Variants in ABLIM3 observed in about 807,000 individuals in gnomAD.
ABLIM3 encodes the protein actin-binding LIM protein 3.
Under a neutral mutation model 109.5 loss-of-function variants are expected in ABLIM3, and 61 were observed. The ratio of observed to expected loss-of-function variants is 0.56; its 90% CI spans 0.45 to 0.69. ABLIM3 has a LOEUF of 0.69. Among genes scored for constraint, ABLIM3 ranks in the 30% least tolerant of loss-of-function variants. The pLI is 0.00. For synonymous variants in ABLIM3, 300 were observed against 324.8 expected, an observed-to-expected ratio of 0.92 and a Z score of 0.82; for missense variants, 796 against 889.5, an observed-to-expected ratio of 0.89 and a Z score of 1.34.
At chr5:149,207,706 G>T (rs917347140) in intron 6 of ABLIM3, among the ~76,000 whole-genome samples, 5 of 152,160 alleles carry the variant, frequency 3.3e-5, no homozygotes, top group African/African-American at 1.2e-4. Context: ...CACCAGGAGA[G>T]GGGCTTTGTT....
intron 2 of ABLIM3, among the ~76,000 whole-genome samples, chr5:149,159,140 G>A (rs1437460979): frequency 6.6e-6 from 1 of 152,246 alleles, no homozygotes; most frequent in East Asian, 1.9e-4. Flanking sequence ...TTTATATATA[G>A]ACAAATGGAT....
intron 2 of ABLIM3, among the ~76,000 whole-genome samples, chr5:149,166,849 T>A (rs1477684508): frequency 6.6e-6 from 1 of 152,220 alleles, no homozygotes; most frequent in Non-Finnish European, 1.5e-5. Context: ...ATAGATAATA[T>A]GTAAATGAGT....
chr5:149,194,812 G>A (rs973557741), intron 3 of ABLIM3, among the ~76,000 whole-genome samples: 2 of 152,292 alleles, frequency 1.3e-5, no homozygotes, highest in East Asian at 1.9e-4. Context: ...AATTAGGGAC[G>A]GTATGGGACA....
At chr5:149,210,646 C>T (rs1447644760) in intron 6 of ABLIM3, 80 bp from the exon 7 acceptor site, 2 of 1,195,546 alleles carry the variant, frequency 1.7e-6, no homozygotes, top group South Asian at 2.4e-5. Context: ...ACATAGGCTG[C>T]AGGTCCAGAA....
chr5:149,245,042 C>T lies in ABLIM3; in HGVS notation c.1486+27C>T, dbSNP rs190530071. 1.1e-4 allele frequency: 184 copies of T among 1,614,070 alleles called. No individual in the cohort carries two copies. In the African/African-American group the frequency reaches 1.9e-3, roughly 17 times the overall value. On this transcript the variant is annotated intron_variant, in intron 16 of 23. Transcript: ENST00000309868. ...TAGTACCCCCATAGGAGCCTGGGTCCAGGGCCCTAACACCTGTGCCAAGGA... is the reference window on the plus strand; with the variant it reads ...TAGTACCCCCATAGGAGCCTGGGTCTAGGGCCCTAACACCTGTGCCAAGGA...
chr5:149,248,252 C>G (rs1027312104), intron 18 of ABLIM3, among the ~76,000 whole-genome samples: 5 of 152,166 alleles, frequency 3.3e-5, no homozygotes, highest in Non-Finnish European at 5.9e-5. Context: ...CCTGCAATGC[C>G]CCTTCTGGGA....
intron 2 of ABLIM3, among the ~76,000 whole-genome samples, chr5:149,165,714 C>T (rs994518438): frequency 1.3e-5 from 2 of 152,186 alleles, no homozygotes; most frequent in Admixed American, 1.3e-4. Flanking sequence ...TCCCTGCTCA[C>T]TCATTCTGAT....
intron 6 of ABLIM3, among the ~76,000 whole-genome samples, chr5:149,209,298 G>A (rs1030573161): frequency 6.6e-5 from 10 of 152,188 alleles, no homozygotes; most frequent in Admixed American, 5.9e-4. Context: ...ATAGCTCTGG[G>A]CCCCTTACCT....
chr5:149,207,184 A>C, intron 6 of ABLIM3, 50 bp downstream of exon 6: 2 of 1,592,258 alleles, frequency 1.3e-6, no homozygotes, highest in Non-Finnish European at 1.7e-6. Flanking sequence ...GCATTCTGTG[A>C]GGCCTGCCCC....
chr5:149,174,829 A>C (rs1313987498), intron 2 of ABLIM3: 1 of 152,218 alleles, frequency 6.6e-6, no homozygotes, highest in African/African-American at 2.4e-5. Flanking sequence ...AGGCTAATTA[A>C]TTATCCTCTC....
chr5:149,149,810 A>T (rs569446100), intron 2 of ABLIM3, among the ~76,000 whole-genome samples: 1 of 152,320 alleles, frequency 6.6e-6, no homozygotes, highest in African/African-American at 2.4e-5. Flanking sequence ...TGAGAAGGAC[A>T]TTAAGAAACA....
intron 3 of ABLIM3, among the ~76,000 whole-genome samples, chr5:149,196,396 T>C (rs1757978099): frequency 6.6e-6 from 1 of 152,262 alleles, no homozygotes. Context: ...GCTAACTATC[T>C]TATTGGTTTT....
intron 2 of ABLIM3, among the ~76,000 whole-genome samples, chr5:149,151,815 C>T (rs1404856214): frequency 2.0e-5 from 3 of 152,214 alleles, no homozygotes; most frequent in Non-Finnish European, 4.4e-5. Context: ...AGTTCCTGGG[C>T]CTGTCCAACA....
chr5:149,197,769 C>T (rs1002492828), intron 3 of ABLIM3, among the ~76,000 whole-genome samples: 3 of 152,210 alleles, frequency 2.0e-5, no homozygotes, highest in African/African-American at 4.8e-5. Flanking sequence ...AGCTGTGTGG[C>T]CTTGCGTGAG....
intron 18 of ABLIM3, among the ~76,000 whole-genome samples, chr5:149,248,167 G>A (rs1159734881): frequency 6.6e-6 from 1 of 152,206 alleles, no homozygotes; most frequent in African/African-American, 2.4e-5. Context: ...CTATTGGAAT[G>A]TAGCCAGCCC....
chr5:149,228,876 A>G (rs1284668393), intron 8 of ABLIM3, among the ~76,000 whole-genome samples: 1 of 152,124 alleles, frequency 6.6e-6, no homozygotes, highest in Non-Finnish European at 1.5e-5. Flanking sequence ...TGAAATGCCA[A>G]TGTTATGGGG....
chr5:149,257,033 C>A (rs111987105), intron 23 of ABLIM3, among the ~76,000 whole-genome samples: 1 of 152,200 alleles, frequency 6.6e-6, no homozygotes, highest in Non-Finnish European at 1.5e-5. Context: ...GGCCATGCGC[C>A]GTGGCTTACG....
rs1474757336 is a variant in ABLIM3, at chr5:149,202,348, T to C, written c.448+1920T>C. 3.3e-5 allele frequency among the ~76,000 whole-genome samples: 5 copies of C among 152,206 alleles called. No homozygotes were observed. The South Asian group carries it at 1.0e-3, about 31-fold the overall frequency. ...AAATGAGCACATGGACAGTTTCCAG[T>C]GGGGGCATACTTAGTATTATAGCTT... is the stretch of plus-strand genomic sequence containing the variant. On this transcript the variant is annotated intron_variant, in intron 5 of 23. Coordinates refer to ENST00000309868, the MANE Select transcript of ABLIM3 (RefSeq NM_014945.5).
At chr5:149,213,446 G>A (rs962871337) in intron 7 of ABLIM3, among the ~76,000 whole-genome samples, 8 of 152,204 alleles carry the variant, frequency 5.3e-5, no homozygotes, top group Non-Finnish European at 7.3e-5. Flanking sequence ...GAAGGACTGC[G>A]TGGGCTGCGG....
Sources: gnomAD v4.1 joint callset for allele counts (sites outside exome capture counted in the v4.1 genomes callset) on GRCh38, gnomAD v4.1.1 for gene constraint, MANE v1.5 for transcripts, NCBI Gene and HGNC (gene_info 2026-07-23, HGNC 2026-07-21) for gene names.